CFHR5: variants seen among roughly 807,000 people sequenced by gnomAD.
The protein encoded by CFHR5 is complement factor H related 5.
In CFHR5, 73 loss-of-function variants were observed where a neutral mutation model predicts 62.9. That is an observed-to-expected ratio of 1.16 (90% CI 0.96 to 1.41). The LOEUF is 1.41. Among genes scored for constraint, CFHR5 ranks in the 40% most tolerant of loss-of-function variants. CFHR5 has a pLI of 0.00. For missense variants in CFHR5, 779 were observed against 679.9 expected (o/e 1.15, Z -1.62); for synonymous variants, 249 against 227.2 (o/e 1.10, Z -0.86).
chr1:196,984,724 A>G (rs1020582066), intron 3 of CFHR5, among the ~76,000 whole-genome samples: 5 of 152,268 alleles, frequency 3.3e-5, no homozygotes, highest in African/African-American at 4.8e-5. Flanking sequence ...GCCCAGCCCA[A>G]TGCGATTCCA....
intron 8 of CFHR5, among the ~76,000 whole-genome samples, chr1:197,003,947 G>C (rs75902376): frequency 0.013 from 2,026 of 152,254 alleles, 20 homozygotes; most frequent in Admixed American, 0.023. Context: ...AAAGAATCTA[G>C]TGTCATCATG....
At chr1:196,978,581 A>T (rs1183310714) in intron 1 of CFHR5, among the ~76,000 whole-genome samples, 1 of 152,162 alleles carries the variant, frequency 6.6e-6, no homozygotes, top group African/African-American at 2.4e-5. Context: ...CTCAGTCCTG[A>T]CATAAGAGAA....
chr1:196,995,584 C>A (rs1452440875), intron 4 of CFHR5, 133 bp from the exon 5 acceptor site: 7 of 743,162 alleles, frequency 9.4e-6, no homozygotes, highest in African/African-American at 8.7e-5. Context: ...ATGTACACTG[C>A]AAAAAACACA....
chr1:196,988,210 C>T (rs1193220779), intron 3 of CFHR5, among the ~76,000 whole-genome samples: 2 of 152,116 alleles, frequency 1.3e-5, no homozygotes, highest in South Asian at 2.1e-4. Flanking sequence ...GATTTTTGCA[C>T]ATTGATTTTG....
chr1:196,997,764 T>A (rs1654033044), intron 6 of CFHR5, among the ~76,000 whole-genome samples: 1 of 152,134 alleles, frequency 6.6e-6, no homozygotes, highest in Non-Finnish European at 1.5e-5. Context: ...TATTTAAATG[T>A]TTTGAAGATA....
At chr1:196,991,269 C>CT (rs1343854205) in intron 3 of CFHR5, among the ~76,000 whole-genome samples, 1 of 152,060 alleles carries the variant, frequency 6.6e-6, no homozygotes. Context: ...TCCATCTAAT[C>CT]TTTTTTCAAG....
chr1:196,989,181 T>C (rs186024202), intron 3 of CFHR5, among the ~76,000 whole-genome samples: 4 of 152,230 alleles, frequency 2.6e-5, no homozygotes, highest in Non-Finnish European at 5.9e-5. Context: ...TATTCTCTGA[T>C]GGTAGTTTGT....
Position 197,008,535 on chromosome 1 carries a change from T to C in CFHR5, c.1562T>C (p.Leu521Ser). ...EENMNKNNIQ[L>S]KWRNDGKLYA... ...AACATGAACAAAAATAACATACAGT[T>C]AAAATGGAGAAACGATGGAAAACTC... is the stretch of plus-strand genomic sequence containing the variant. The change falls in exon 10 of 10, where the codon TTA becomes TCA. Residue 521 changes from leucine to serine, a missense_variant. Transcript: ENST00000256785. The C allele has an allele frequency of 6.2e-7, 1 of 1,613,480 alleles. No homozygotes were observed. The highest frequency in any genetic ancestry group is 1.1e-5 in the South Asian group (1 of 90,990).
Position 196,977,658 on chromosome 1 carries a change from A to ATT in CFHR5, c.-7_-6insTT, listed in dbSNP as rs748586869. 6.2e-7 allele frequency: 1 copy of ATT among 1,609,850 alleles called. No individual in the cohort carries two copies. The highest frequency in any genetic ancestry group is 8.5e-7 in the Non-Finnish European group (1 of 1,176,314). ...TTTTTAGTTATATACGATTGAGACT[A>ATT]CCAAGCATGTTGCTCTTATTCAGTG... is the stretch of plus-strand genomic sequence containing the variant. On this transcript the variant is annotated 5_prime_UTR_variant, in exon 1 of 10. Transcript: ENST00000256785.
chr1:197,005,110 C>T (rs1056850028), intron 9 of CFHR5, among the ~76,000 whole-genome samples: 6 of 152,038 alleles, frequency 3.9e-5, no homozygotes, highest in African/African-American at 1.5e-4. Flanking sequence ...ATTTATGGGG[C>T]CTATTCGCAC....
chr1:196,976,179 T>C (rs1208559553), upstream of CFHR5, among the ~76,000 whole-genome samples: 1 of 152,200 alleles, frequency 6.6e-6, no homozygotes, highest in African/African-American at 2.4e-5. Flanking sequence ...CAGGGACTTC[T>C]CTGGTTTCTT....
At chr1:196,995,328 T>C (rs1653960554) in intron 4 of CFHR5, among the ~76,000 whole-genome samples, 1 of 134,328 alleles carries the variant, frequency 7.4e-6, no homozygotes, top group Admixed American at 7.4e-5. Flanking sequence ...ATGTAAAAGA[T>C]ATTTTGTATA....
intron 3 of CFHR5, among the ~76,000 whole-genome samples, chr1:196,989,049 C>T (rs1423078951): frequency 6.6e-6 from 1 of 152,058 alleles, no homozygotes; most frequent in Non-Finnish European, 1.5e-5. Flanking sequence ...ATTTCAGAGC[C>T]TGTTATTGGT....
chr1:196,991,076 T>G (rs1204556027), intron 3 of CFHR5, among the ~76,000 whole-genome samples: 2 of 152,174 alleles, frequency 1.3e-5, no homozygotes, highest in Non-Finnish European at 2.9e-5. Flanking sequence ...TTTACTCTTT[T>G]TTCTCTAAAC....
upstream of CFHR5, among the ~76,000 whole-genome samples, chr1:196,975,985 T>G (rs1019665011): frequency 8.6e-5 from 13 of 151,980 alleles, no homozygotes; most frequent in Non-Finnish European, 1.9e-4. Context: ...GGGAAGAGAA[T>G]AGTGAAAAAG....
At chr1:196,992,505 C>T (rs1653874748) in intron 3 of CFHR5, among the ~76,000 whole-genome samples, 1 of 152,132 alleles carries the variant, frequency 6.6e-6, no homozygotes, top group Non-Finnish European at 1.5e-5. Flanking sequence ...CCCTGCTTTG[C>T]TTTGGCTCCC....
Position 197,004,703 on chromosome 1 carries a change from G to A in CFHR5, c.1373G>A (p.Gly458Glu), listed in dbSNP as rs550168649. The A allele has an allele frequency of 4.6e-5, 75 of 1,613,530 alleles. 2 individuals are homozygous for A. The South Asian group carries it at 7.4e-4, about 16-fold the overall frequency. ...GGGCCCCCTCCATCTATTAACAATG[G>A]AGATACCACCTCATTCCCATTATCA... ...YCGPPPSINN[G>E]DTTSFPLSVY... The change falls in exon 9 of 10, where the codon GGA becomes GAA. Residue 458 changes from glycine to glutamate, a missense_variant. Transcript: ENST00000256785.
chr1:196,976,851 C>A (rs1653406588), upstream of CFHR5, among the ~76,000 whole-genome samples: 2 of 133,034 alleles, frequency 1.5e-5, no homozygotes, highest in South Asian at 4.7e-4. Context: ...GTCGCCCAGG[C>A]TGGAGTGCAG....
intron 7 of CFHR5, among the ~76,000 whole-genome samples, 188 bp downstream of exon 7, chr1:196,998,492 T>G (rs1262520030): frequency 6.6e-6 from 1 of 152,006 alleles, no homozygotes; most frequent in Non-Finnish European, 1.5e-5. Context: ...GGCTTTCTGG[T>G]AAAGATGAGA....
Sources: gnomAD v4.1 joint callset for allele counts (sites outside exome capture counted in the v4.1 genomes callset) on GRCh38, gnomAD v4.1.1 for gene constraint, MANE v1.5 for transcripts, NCBI Gene and HGNC (gene_info 2026-07-23, HGNC 2026-07-21) for gene names.